Variants in GLRA1 observed in about 807,000 individuals in gnomAD.
The protein encoded by GLRA1 is glycine receptor subunit alpha-1.
A neutral mutation model predicts 48.3 loss-of-function variants in GLRA1; 37 were observed. That is an observed-to-expected ratio of 0.77 (90% confidence interval 0.59 to 1.01). The LOEUF is 1.01. Among genes scored for constraint, GLRA1 ranks in the 50% least tolerant of loss-of-function variants. GLRA1 has a pLI of 0.00. For synonymous variants in GLRA1, 196 were observed against 210.7 expected (o/e 0.93, Z 0.60); for missense variants, 427 against 571.0 (o/e 0.75, Z 2.57).
intron 7 of GLRA1, among the ~76,000 whole-genome samples, chr5:151,843,249 CTTCTAAATT>C (rs1013168846): frequency 5.4e-5 from 8 of 147,952 alleles, no homozygotes; most frequent in African/African-American, 2.0e-4. Context: ...TGACAAGCTG[CTTCTAAATT>C]TTTTTTTTTT....
rs1488837538 is a variant in GLRA1 at position 151,849,141 on chromosome 5, TTTCTTTC to T, written c.912+2242_912+2248del. 6.3e-3 allele frequency: 1,235 copies of T among 196,742 alleles called. 69 individuals are homozygous for T. The highest frequency in any genetic ancestry group is 0.051 in the African/African-American group (1,077 of 21,304). 12.2% of individuals were successfully genotyped at this position (196,742 alleles called of 1,614,324 possible). ...CTTTCTTTCTTTCTTTCTTTCTTTC[TTTCTTTC>T]TTTCTTTTCTTTTCTTTTCTTTCTT... On this transcript the variant is annotated intron_variant, in intron 7 of 8. Transcript: ENST00000274576.
chr5:151,859,518 G>A (rs148041239), intron 4 of GLRA1, among the ~76,000 whole-genome samples: 98 of 152,282 alleles, frequency 6.4e-4, no homozygotes, highest in African/African-American at 2.2e-3. Context: ...GAAATGCTGA[G>A]TAACTTCAAC....
chr5:151,873,383 A>G (rs1011715385), intron 3 of GLRA1, among the ~76,000 whole-genome samples: 2 of 149,686 alleles, frequency 1.3e-5, no homozygotes, highest in Non-Finnish European at 2.9e-5. Flanking sequence ...CCTTACAGCC[A>G]GGCGCGGTGG....
At chr5:151,920,401 A>G (rs1249674320) in intron 1 of GLRA1, among the ~76,000 whole-genome samples, 1 of 152,174 alleles carries the variant, frequency 6.6e-6, no homozygotes, top group Non-Finnish European at 1.5e-5. Flanking sequence ...GCTGCACCAC[A>G]TGGCCGTAAC....
intron 3 of GLRA1, among the ~76,000 whole-genome samples, chr5:151,873,648 A>G (rs1198022399): frequency 1.3e-5 from 2 of 149,544 alleles, no homozygotes; most frequent in Admixed American, 1.3e-4. Context: ...CCTGGGTGAC[A>G]GAGTGACACT....
At chr5:151,894,330 T>G (rs1754177174) in intron 1 of GLRA1, among the ~76,000 whole-genome samples, 1 of 152,210 alleles carries the variant, frequency 6.6e-6, no homozygotes, top group African/African-American at 2.4e-5. Context: ...GTCACCACCC[T>G]GGCCTCTTCC....
At chr5:151,857,444 G>T (rs1041805384) in intron 4 of GLRA1, among the ~76,000 whole-genome samples, 7 of 152,184 alleles carry the variant, frequency 4.6e-5, no homozygotes, top group East Asian at 1.9e-4. Flanking sequence ...TTACTCTTCT[G>T]CATAGCCCTC....
At chr5:151,908,146 C>G (rs1000585132) in intron 1 of GLRA1, among the ~76,000 whole-genome samples, 1 of 152,208 alleles carries the variant, frequency 6.6e-6, no homozygotes, top group Non-Finnish European at 1.5e-5. Flanking sequence ...GGTATCCATT[C>G]AGGCCCCTGT....
At chr5:151,910,421 A>C (rs745599091) in intron 1 of GLRA1, among the ~76,000 whole-genome samples, 12 of 152,230 alleles carry the variant, frequency 7.9e-5, no homozygotes, top group Non-Finnish European at 1.5e-4. Flanking sequence ...TAACAACTAT[A>C]AACAGTTTTC....
At chr5:151,901,494 T>C (rs1014121259) in intron 1 of GLRA1, among the ~76,000 whole-genome samples, 1 of 152,228 alleles carries the variant, frequency 6.6e-6, no homozygotes, top group South Asian at 2.1e-4. Context: ...CCCTACATAA[T>C]CAGCATGCAT....
chr5:151,876,164 A>G lies in GLRA1; in HGVS notation c.252+10557T>C, dbSNP rs566162559. Among the ~76,000 whole-genome samples, 3 of 152,286 alleles carry G rather than the reference A, an allele frequency of 2.0e-5. No homozygotes were observed. The East Asian group carries it at 5.8e-4, about 29-fold the overall frequency. ...CATGCCCCTGAAATTACATTCCCTA[A>G]TTCTACATATGTGCCCTCCCTTCCC... is the stretch of plus-strand genomic sequence containing the variant. On this transcript the variant is annotated intron_variant, in intron 3 of 8. Coordinates refer to ENST00000274576, the MANE Select transcript of GLRA1 (RefSeq NM_000171.4).
chr5:151,879,293 C>G (rs1276039094), intron 3 of GLRA1, among the ~76,000 whole-genome samples: 1 of 151,308 alleles, frequency 6.6e-6, no homozygotes, highest in Non-Finnish European at 1.5e-5. Context: ...TATCCAATAC[C>G]TGTACCCCCA....
chr5:151,886,486 G>A, intron 3 of GLRA1, among the ~76,000 whole-genome samples: 1 of 152,034 alleles, frequency 6.6e-6, no homozygotes. Flanking sequence ...TGTAATCCTG[G>A]GTGTTTGGCA....
At chr5:151,924,377 T>G (rs1004852514) in intron 1 of GLRA1, 117 bp downstream of exon 1, 2 of 779,974 alleles carry the variant, frequency 2.6e-6, no homozygotes, top group Non-Finnish European at 4.7e-6. Flanking sequence ...AGGACCCGAT[T>G]GCAGTGGAAT....
At chr5:151,859,391 C>A (rs1489217609) in intron 4 of GLRA1, among the ~76,000 whole-genome samples, 3 of 152,204 alleles carry the variant, frequency 2.0e-5, no homozygotes, top group African/African-American at 7.2e-5. Context: ...GTGAGCAACA[C>A]CATCCACCTG....
intron 8 of GLRA1, 139 bp from the exon 9 acceptor site, chr5:151,823,102 G>T: frequency 1.3e-6 from 1 of 787,360 alleles, no homozygotes; most frequent in Non-Finnish European, 1.9e-6. Flanking sequence ...TAGGTTTCTG[G>T]AGGCTTTTTG....
chr5:151,924,189 T>G (rs1754948755), intron 1 of GLRA1, among the ~76,000 whole-genome samples: 1 of 151,956 alleles, frequency 6.6e-6, no homozygotes, highest in Admixed American at 6.6e-5. Context: ...GCAGTGGGGC[T>G]GGGGACCAAT....
At chr5:151,893,956 G>T (rs1241039303) in intron 1 of GLRA1, among the ~76,000 whole-genome samples, 1 of 152,192 alleles carries the variant, frequency 6.6e-6, no homozygotes, top group Non-Finnish European at 1.5e-5. Flanking sequence ...AAAGCATATA[G>T]ATTTCAATAA....
intron 1 of GLRA1, among the ~76,000 whole-genome samples, chr5:151,893,286 TTCTTTCTTTC>T (rs1754135065): frequency 2.2e-5 from 1 of 45,040 alleles, no homozygotes; most frequent in African/African-American, 9.1e-5. Context: ...CTGCCCAACT[TTCTTTCTTTC>T]TTTCTTTCTT....
Sources: allele counts gnomAD v4.1 joint callset (sites outside exome capture counted in the v4.1 genomes callset), GRCh38; gene constraint gnomAD v4.1.1; transcripts MANE v1.5; gene names NCBI Gene and HGNC (gene_info 2026-07-23, HGNC 2026-07-21).